The following KCNQ5 variants were observed in gnomAD, a reference collection of about 807,000 sequenced individuals.
KCNQ5 encodes potassium voltage-gated channel subfamily KQT member 5.
In KCNQ5, 30 loss-of-function variants were observed where a neutral mutation model predicts 98.2. The ratio of observed to expected loss-of-function variants is 0.31; its 90% CI spans 0.23 to 0.41. KCNQ5 has a LOEUF of 0.41. KCNQ5 is among the 10% of genes least tolerant of loss of function. KCNQ5 has a pLI of 1.00. For missense variants in KCNQ5, 835 were observed against 1,182.5 expected, an observed-to-expected ratio of 0.71 and a Z score of 4.31; for synonymous variants, 458 against 449.4, an observed-to-expected ratio of 1.02 and a Z score of -0.24.
intron 9 of KCNQ5, among the ~76,000 whole-genome samples, chr6:73,127,641 T>C (rs73753263): frequency 0.027 from 4,052 of 152,288 alleles, 167 homozygotes; most frequent in African/African-American, 0.09. Flanking sequence ...GGCTTTGGAA[T>C]GTTCTTGTTA....
intron 2 of KCNQ5, among the ~76,000 whole-genome samples, chr6:73,037,594 C>T (rs1471592858): frequency 4.6e-5 from 7 of 151,872 alleles, no homozygotes. Flanking sequence ...CCAATTTTTC[C>T]AGCATCATTT....
intron 1 of KCNQ5, among the ~76,000 whole-genome samples, chr6:72,645,215 AAAAAAAAAC>A (rs1034873732): frequency 2.9e-5 from 4 of 140,118 alleles, no homozygotes; most frequent in Admixed American, 7.1e-5. Context: ...AAAAAAAAAC[AAAAAAAAAC>A]AAAAAAAACA....
chr6:72,626,198 G>T (rs979449645), intron 1 of KCNQ5, among the ~76,000 whole-genome samples: 3 of 152,216 alleles, frequency 2.0e-5, no homozygotes, highest in Non-Finnish European at 2.9e-5. Context: ...AGAGAGAGAG[G>T]TTACAAAGTG....
intron 5 of KCNQ5, among the ~76,000 whole-genome samples, chr6:73,088,527 C>T: frequency 6.6e-6 from 1 of 152,124 alleles, no homozygotes; most frequent in East Asian, 1.9e-4. Flanking sequence ...TTTGAGGTGT[C>T]CCTGGACCCT....
chr6:72,713,237 G>T (rs1769460268), intron 1 of KCNQ5, among the ~76,000 whole-genome samples: 1 of 152,118 alleles, frequency 6.6e-6, no homozygotes, highest in African/African-American at 2.4e-5. Flanking sequence ...GTTTCCACAT[G>T]AAAGCCAAAC....
At chr6:73,148,648 G>A (rs1317746506) in intron 10 of KCNQ5, among the ~76,000 whole-genome samples, 1 of 152,194 alleles carries the variant, frequency 6.6e-6, no homozygotes, top group African/African-American at 2.4e-5. Context: ...TATACTAAAA[G>A]TTTGTAATGA....
chr6:73,136,009 G>T (rs1373609910), intron 10 of KCNQ5: 1 of 152,086 alleles, frequency 6.6e-6, no homozygotes, highest in South Asian at 2.1e-4. Context: ...CCAAACAGTC[G>T]CATTCGGAGG....
chr6:72,827,523 T>G (rs2150120265), intron 1 of KCNQ5, among the ~76,000 whole-genome samples: 1 of 152,314 alleles, frequency 6.6e-6, no homozygotes, highest in African/African-American at 2.4e-5. Flanking sequence ...CATTTGTATA[T>G]CTTCCTTTTA....
At chr6:72,756,901 T>C (rs946551928) in intron 1 of KCNQ5, among the ~76,000 whole-genome samples, 4 of 152,168 alleles carry the variant, frequency 2.6e-5, no homozygotes, top group Non-Finnish European at 5.9e-5. Context: ...TTTAATTCCT[T>C]TGAATCTGTA....
At chr6:72,938,441 A>G (rs1325745471) in intron 1 of KCNQ5, among the ~76,000 whole-genome samples, 1 of 152,128 alleles carries the variant, frequency 6.6e-6, no homozygotes, top group African/African-American at 2.4e-5. Flanking sequence ...GTGCAGTGGC[A>G]TGATCTCCGC....
chr6:72,760,446 ACGTGTG>A (rs1772208253), intron 1 of KCNQ5, among the ~76,000 whole-genome samples: 1 of 92,384 alleles, frequency 1.1e-5, no homozygotes, highest in Non-Finnish European at 2.2e-5. Context: ...TTTCAGGAGT[ACGTGTG>A]TGTGTGTGTG....
intron 5 of KCNQ5, among the ~76,000 whole-genome samples, chr6:73,089,168 G>A (rs962563497): frequency 2.6e-5 from 4 of 152,184 alleles, no homozygotes; most frequent in African/African-American, 9.7e-5. Context: ...CTTGGATTCA[G>A]CAGTAAGATA....
At chr6:72,983,785 T>TG (rs1768597779) in intron 1 of KCNQ5, among the ~76,000 whole-genome samples, 1 of 52,946 alleles carries the variant, frequency 1.9e-5, no homozygotes, top group Non-Finnish European at 7.4e-5. Context: ...GCTTTTCTGT[T>TG]CTTGTTTCTC....
At chr6:72,919,821 G>A (rs1279927680) in intron 1 of KCNQ5, among the ~76,000 whole-genome samples, 2 of 152,096 alleles carry the variant, frequency 1.3e-5, no homozygotes, top group African/African-American at 2.4e-5. Context: ...TGTCTCTGAC[G>A]TTCCATGCCC....
At chr6:72,802,626 C>T (rs1056361704) in intron 1 of KCNQ5, among the ~76,000 whole-genome samples, 3 of 152,114 alleles carry the variant, frequency 2.0e-5, no homozygotes, top group Admixed American at 2.0e-4. Flanking sequence ...GATCGTAAGA[C>T]ATAATTCTGA....
At chr6:72,884,835 C>A (rs1778790040) in intron 1 of KCNQ5, among the ~76,000 whole-genome samples, 1 of 152,074 alleles carries the variant, frequency 6.6e-6, no homozygotes, top group Admixed American at 6.6e-5. Context: ...CCAGGCTGGT[C>A]CTGAACTCCT....
chr6:72,687,610 A>G (rs1414534479), intron 1 of KCNQ5, among the ~76,000 whole-genome samples: 1 of 152,196 alleles, frequency 6.6e-6, no homozygotes, highest in Non-Finnish European at 1.5e-5. Flanking sequence ...AAAAAGTGAA[A>G]GCATACTTGA....
At chr6:72,823,907 T>G (rs964752773) in intron 1 of KCNQ5, among the ~76,000 whole-genome samples, 1 of 152,218 alleles carries the variant, frequency 6.6e-6, no homozygotes, top group African/African-American at 2.4e-5. Context: ...TCTGATCTAC[T>G]TCATCCACTA....
chr6:72,772,998 C>T (rs984172090), intron 1 of KCNQ5, among the ~76,000 whole-genome samples: 5 of 152,104 alleles, frequency 3.3e-5, no homozygotes, highest in African/African-American at 1.2e-4. Flanking sequence ...TTGCATGTCA[C>T]GGATAATCTA....
Sources: allele counts gnomAD v4.1 joint callset (sites outside exome capture counted in the v4.1 genomes callset), GRCh38; gene constraint gnomAD v4.1.1; transcripts MANE v1.5; gene names NCBI Gene and HGNC (gene_info 2026-07-23, HGNC 2026-07-21).